ANKRD31: variants seen among roughly 807,000 people sequenced by gnomAD.
ANKRD31 encodes the protein ankyrin repeat domain 31, also known as ankyrin repeat domain-containing protein 31.
ANKRD31 carries 147 observed loss-of-function variants against 186.0 expected under a neutral mutation model. The ratio of observed to expected loss-of-function variants is 0.79; its 90% confidence interval spans 0.69 to 0.91. The LOEUF (loss-of-function observed/expected upper bound fraction) is 0.91, where lower values mean the gene tolerates loss of function less well. Ranked by LOEUF, ANKRD31 falls within the 40% of genes least tolerant of loss-of-function variation. The pLI is 0.00. For synonymous variants in ANKRD31, 673 were observed against 736.4 expected, an observed-to-expected ratio of 0.91 and a Z score of 1.39; for missense variants, 1,986 against 2,148.8, an observed-to-expected ratio of 0.92 and a Z score of 1.50.
intron 11 of ANKRD31, among the ~76,000 whole-genome samples, chr5:75,168,737 A>T (rs1006209986): frequency 1.2e-4 from 5 of 42,910 alleles, no homozygotes; most frequent in Non-Finnish European, 1.8e-4. Flanking sequence ...AACAAGTTGA[A>T]AAAAAATACT....
rs1352073189 is a variant in ANKRD31 at position 75,234,094 on chromosome 5, C to T, written c.104+2489G>A. Reference sequence around the variant, plus strand: ...CAAATTATCCCTTTATGACAGAAAACTATCAATAATTTAGGGAAGAATTTT... The same window carrying T: ...CAAATTATCCCTTTATGACAGAAAATTATCAATAATTTAGGGAAGAATTTT... On this transcript the variant is annotated intron_variant, in intron 1 of 25. Transcript: ENST00000506364. 2.6e-5 allele frequency among the ~76,000 whole-genome samples: 4 copies of T among 152,198 alleles called. No homozygotes were observed. In the East Asian group the frequency reaches 5.8e-4, roughly 22 times the overall value.
At position 75,129,654 on chromosome 5, in the gene ANKRD31, A is replaced by G. The variant is rs74411817; in HGVS notation, c.3876+8202T>C. Among the ~76,000 whole-genome samples, 368 of 152,310 alleles carry G rather than the reference A, an allele frequency of 2.4e-3. 8 individuals carry two copies. In the East Asian group the frequency reaches 0.062, roughly 26 times the overall value. On this transcript the variant is annotated intron_variant, in intron 17 of 25. Transcript: ENST00000506364. ...TAACTATTTTTTCAAACCAATAATTATTACTGAAGAGGTCCCAAGATGGCT... is the reference window on the plus strand; with the variant it reads ...TAACTATTTTTTCAAACCAATAATTGTTACTGAAGAGGTCCCAAGATGGCT...
intron 10 of ANKRD31, among the ~76,000 whole-genome samples, chr5:75,179,203 A>G (rs978175245): frequency 1.1e-4 from 17 of 152,180 alleles, no homozygotes; most frequent in African/African-American, 4.1e-4. Context: ...GAATCTCTGA[A>G]TAGACCAATA....
rs72768331 is a variant in ANKRD31 at position 75,118,574 on chromosome 5, C to T, written c.3877-277G>A. 2.4e-3 allele frequency among the ~76,000 whole-genome samples: 365 copies of T among 152,248 alleles called. 2 individuals are homozygous for T. Among genetic ancestry groups the T allele is most frequent in the Non-Finnish European group, 3.9e-3 (268 of 68,028 alleles). ...GGCATAGGGAGGTTCAGTTCTAGAT[C>T]GGTACTGCCCAGTAGAATTTTCTGT... On this transcript the variant is annotated intron_variant, in intron 17 of 25. Coordinates refer to ENST00000506364, the MANE Select transcript of ANKRD31 (RefSeq NM_001372053.1).
intron 10 of ANKRD31, among the ~76,000 whole-genome samples, chr5:75,186,153 G>A (rs1265426161): frequency 6.6e-6 from 1 of 151,920 alleles, no homozygotes; most frequent in Non-Finnish European, 1.5e-5. Flanking sequence ...AAATAAAGAT[G>A]GAACACATTC....
chr5:75,187,949 C>G (rs1754849551), intron 10 of ANKRD31, among the ~76,000 whole-genome samples: 2 of 152,140 alleles, frequency 1.3e-5, no homozygotes, highest in Non-Finnish European at 2.9e-5. Flanking sequence ...TCACTCTTCT[C>G]TAGCACAACA....
chr5:75,160,846 G>A (rs1328840994), intron 11 of ANKRD31, among the ~76,000 whole-genome samples: 1 of 152,140 alleles, frequency 6.6e-6, no homozygotes, highest in South Asian at 2.1e-4. Context: ...GGCTTAATAA[G>A]GGGAAATCTA....
intron 15 of ANKRD31, 21 bp downstream of exon 15, chr5:75,143,980 T>C (rs1751240893): frequency 2.5e-6 from 1 of 396,936 alleles, no homozygotes; most frequent in South Asian, 1.3e-4. Context: ...CTTTAACCTA[T>C]ACAATTATAG....
At position 75,105,132 on chromosome 5, in the gene ANKRD31, G is replaced by A; in HGVS notation, c.4427C>T (p.Ala1476Val). 1.3e-6 allele frequency: 2 copies of A among 1,536,334 alleles called. No homozygotes were observed. The highest frequency in any genetic ancestry group is 1.7e-6 in the Non-Finnish European group (2 of 1,146,680). ...AARQKSLLVV[A>V]KKQKKISLKI... ...CAGGCTTATTTTTTTCTGTTTTTTT[G>A]CCACAACTAAAAGGCTCTTCTGTCT... is the stretch of plus-strand genomic sequence containing the variant. Residue 1476 changes from alanine to valine, a missense_variant, in exon 22 of 26, where the codon GCA (alanine) becomes GTA (valine). Coordinates refer to ENST00000506364, the MANE Select transcript of ANKRD31 (RefSeq NM_001372053.1).
At chr5:75,080,034 G>C (rs1744963890) in intron 25 of ANKRD31, among the ~76,000 whole-genome samples, 1 of 152,032 alleles carries the variant, frequency 6.6e-6, no homozygotes, top group Non-Finnish European at 1.5e-5. Flanking sequence ...GGAGATCGAG[G>C]CTGCAATGAG....
intron 2 of ANKRD31, among the ~76,000 whole-genome samples, chr5:75,229,852 G>C (rs1406535636): frequency 2.4e-5 from 3 of 123,646 alleles, no homozygotes; most frequent in Non-Finnish European, 4.9e-5. Context: ...GCGACAGAGT[G>C]AGACTCTGTC....
chr5:75,068,754 T>A, intron 25 of ANKRD31, 90 bp from the exon 26 acceptor site: 1 of 1,315,922 alleles, frequency 7.6e-7, no homozygotes, highest in East Asian at 2.7e-5. Flanking sequence ...TCCAATCAAG[T>A]CTATTTGAGA....
chr5:75,216,293 T>A (rs1756954073), intron 3 of ANKRD31, among the ~76,000 whole-genome samples: 2 of 152,150 alleles, frequency 1.3e-5, no homozygotes, highest in Admixed American at 6.6e-5. Flanking sequence ...AAACTGAACA[T>A]TCCCAGGTTC....
chr5:75,165,231 C>A (rs1752838009), intron 11 of ANKRD31, among the ~76,000 whole-genome samples: 1 of 152,058 alleles, frequency 6.6e-6, no homozygotes, highest in Non-Finnish European at 1.5e-5. Context: ...TTGTCCCAAG[C>A]ATTGCAAATA....
chr5:75,166,170 C>CAAGAGA (rs1752907298), intron 11 of ANKRD31, among the ~76,000 whole-genome samples: 1 of 152,108 alleles, frequency 6.6e-6, no homozygotes, highest in South Asian at 2.1e-4. Flanking sequence ...TCAATTTTCA[C>CAAGAGA]AAGAGAGTTT....
chr5:75,078,728 A>T (rs1744853825), intron 25 of ANKRD31, among the ~76,000 whole-genome samples: 1 of 152,258 alleles, frequency 6.6e-6, no homozygotes, highest in Non-Finnish European at 1.5e-5. Flanking sequence ...AAAATATGTC[A>T]ATACATCCAT....
chr5:75,163,615 A>G (rs1033276926), intron 11 of ANKRD31, among the ~76,000 whole-genome samples: 3 of 152,180 alleles, frequency 2.0e-5, no homozygotes, highest in African/African-American at 7.2e-5. Flanking sequence ...CAACACTCAA[A>G]AAGTTTTGGA....
At chr5:75,140,749 C>T (rs1600074) in intron 15 of ANKRD31, among the ~76,000 whole-genome samples, 76,751 of 152,054 alleles carry the variant, frequency 0.5, 22,322 homozygotes, top group African/African-American at 0.81. Flanking sequence ...CAGCAAGAAA[C>T]TGAGGATGGC....
intron 17 of ANKRD31, among the ~76,000 whole-genome samples, chr5:75,130,167 C>T (rs548555614): frequency 1.8e-4 from 27 of 152,306 alleles, no homozygotes; most frequent in African/African-American, 6.3e-4. Flanking sequence ...GTGAGTGTTA[C>T]AGCTCTTAAA....
Sources: allele counts gnomAD v4.1 joint callset (sites outside exome capture counted in the v4.1 genomes callset), GRCh38; gene constraint gnomAD v4.1.1; transcripts MANE v1.5; gene names NCBI Gene and HGNC (gene_info 2026-07-23, HGNC 2026-07-21).